Variants in NXN observed in about 807,000 individuals in gnomAD.
NXN encodes nucleoredoxin, also known as nucleoredoxin 1.
Under a neutral mutation model 48.6 loss-of-function variants are expected in NXN, and 16 were observed. That is an observed-to-expected ratio of 0.33 (90% CI 0.22 to 0.50). The LOEUF (loss-of-function observed/expected upper bound fraction) is 0.50. Ranked by LOEUF, NXN falls within the 20% of genes least tolerant of loss-of-function variation. NXN has a pLI of 0.98. For missense variants in NXN, 492 were observed against 605.5 expected (o/e 0.81, Z 1.97); for synonymous variants, 281 against 269.6 (o/e 1.04, Z -0.41).
chr17:822,465 A>G lies in NXN; in HGVS notation c.613-8T>C, dbSNP rs1462676085. 6.2e-7 allele frequency: 1 copy of G among 1,609,166 alleles called. No homozygotes were observed. Among genetic ancestry groups the G allele is most frequent in the South Asian group, 1.1e-5 (1 of 90,974 alleles). On this transcript the variant is annotated splice_region_variant and splice_polypyrimidine_tract_variant and intron_variant, in intron 3 of 7. Coordinates refer to ENST00000336868, the MANE Select transcript of NXN (RefSeq NM_022463.5). The stretch of plus-strand genomic sequence containing the variant: ...GCTTCGGCAGGGCGGACACTGAAAG[A>G]CAGGACAGCAAGACCCGCTGCGTCA...
intron 4 of NXN, among the ~76,000 whole-genome samples, chr17:821,407 G>A (rs1344213405): frequency 1.3e-5 from 1 of 78,142 alleles, no homozygotes; most frequent in African/African-American, 7.7e-5. Context: ...TTCCTTATCC[G>A]CGTGTATCCG....
At chr17:913,186 G>A (rs916126269) in intron 1 of NXN, among the ~76,000 whole-genome samples, 1 of 152,106 alleles carries the variant, frequency 6.6e-6, no homozygotes, top group Non-Finnish European at 1.5e-5. Flanking sequence ...CTTATTAGGA[G>A]AAGTAAAATT....
intron 5 of NXN, among the ~76,000 whole-genome samples, chr17:813,967 A>T (rs1040166161): frequency 7.7e-6 from 1 of 129,802 alleles, no homozygotes; most frequent in Non-Finnish European, 1.6e-5. Flanking sequence ...GACTCTGTCT[A>T]AAAAAAAAAA....
chr17:869,826 C>T (rs1211155176), intron 1 of NXN, among the ~76,000 whole-genome samples: 1 of 152,268 alleles, frequency 6.6e-6, no homozygotes, highest in Non-Finnish European at 1.5e-5. Context: ...CTCCAAGCCT[C>T]TCTGGGAACC....
chr17:906,435 T>C (rs193237797), intron 1 of NXN, among the ~76,000 whole-genome samples: 86 of 152,368 alleles, frequency 5.6e-4, no homozygotes, highest in African/African-American at 1.9e-3. Flanking sequence ...GTCAAGTCAC[T>C]TAACCTTCTT....
chr17:817,688 AAG>A (rs1555610071), intron 5 of NXN, among the ~76,000 whole-genome samples: 2 of 151,642 alleles, frequency 1.3e-5, no homozygotes, highest in African/African-American at 4.9e-5. Flanking sequence ...AAAAAAAAAA[AAG>A]AGCCTGATGA....
intron 1 of NXN, among the ~76,000 whole-genome samples, chr17:923,253 C>T (rs774238653): frequency 6.6e-6 from 1 of 152,154 alleles, no homozygotes; most frequent in Non-Finnish European, 1.5e-5. Context: ...GTCTTATTCA[C>T]TCTGTTTACA....
chr17:931,410 A>C lies in NXN; in HGVS notation c.360+47909T>G, dbSNP rs2068851962. 5.3e-5 allele frequency among the ~76,000 whole-genome samples: 8 copies of C among 151,042 alleles called. No individual in the cohort carries two copies. In the South Asian group the frequency reaches 1.7e-3, roughly 32 times the overall value. ...GGAGGTTGTAGTGAGCAGAGATCAC[A>C]CCACTGCACTCCAGCCTGGTGACAG... On this transcript the variant is annotated intron_variant, in intron 1 of 7. Coordinates refer to ENST00000336868, the MANE Select transcript of NXN (RefSeq NM_022463.5).
intron 1 of NXN, among the ~76,000 whole-genome samples, chr17:938,912 T>TGTG (rs1312599603): frequency 6.6e-6 from 1 of 151,170 alleles, no homozygotes; most frequent in Non-Finnish European, 1.5e-5. Flanking sequence ...ATTAGCTGGG[T>TGTG]GTGGTGGCGG....
At chr17:809,598 G>A (rs185237404) in intron 5 of NXN, among the ~76,000 whole-genome samples, 5 of 152,316 alleles carry the variant, frequency 3.3e-5, no homozygotes, top group Non-Finnish European at 7.3e-5. Flanking sequence ...AGGCAGCCAG[G>A]AGGAATTACC....
chr17:979,720 C>T lies in NXN; in HGVS notation c.-42G>A. The T allele has an allele frequency of 2.3e-6, 3 of 1,299,754 alleles. No homozygotes were observed. Among genetic ancestry groups the T allele is most frequent in the Non-Finnish European group, 2.9e-6 (3 of 1,024,066 alleles). The allele number at this position is 1,299,754 out of a possible 1,614,324, so 80.5% of individuals were successfully genotyped here. On this transcript the variant is annotated 5_prime_UTR_variant, in exon 1 of 8. Transcript: ENST00000336868. ...GCGGGCAGGCGGCTGCGACCCCGCT[C>T]CACGGTCCGCGCGGCGGGAGGAGGC...
rs549123426 is a variant in NXN at position 946,811 on chromosome 17, G to A, written c.360+32508C>T. Reference sequence around the variant, plus strand: ...GGAAAATGGGGGTGATCACGCCAACGTCACAGAGTCCTTGGGAGAATGAAA... The same window carrying A: ...GGAAAATGGGGGTGATCACGCCAACATCACAGAGTCCTTGGGAGAATGAAA... On this transcript the variant is annotated intron_variant, in intron 1 of 7. Coordinates refer to ENST00000336868, the MANE Select transcript of NXN (RefSeq NM_022463.5). Among the ~76,000 whole-genome samples the A allele has an allele frequency of 6.6e-5, 10 of 152,326 alleles. No homozygotes were observed. The East Asian group carries it at 1.2e-3, about 18-fold the overall frequency.
rs201931057 is a variant in NXN, at chr17:889,699, A to AAAAG, written c.361-63625_361-63622dup. ...AAGAAAAGAAAAGAAGAAAGAAAGA[A>AAAAG]AAAGAAAGAAAGAAAGAAAGAAAGA... On this transcript the variant is annotated intron_variant, in intron 1 of 7. Transcript: ENST00000336868. Among the ~76,000 whole-genome samples, 320 of 126,658 alleles carry AAAAG rather than the reference A, an allele frequency of 2.5e-3. 8 individuals carry two copies. In the East Asian group the frequency reaches 0.026, roughly 10 times the overall value. The allele number at this position is 126,658 out of a possible 152,430, so 83.1% of individuals were successfully genotyped here. A position where few individuals can be genotyped will look rare whatever the true frequency, so the allele number is the denominator to read the frequency against.
intron 1 of NXN, among the ~76,000 whole-genome samples, chr17:893,379 G>C (rs954476219): frequency 2.6e-5 from 4 of 152,226 alleles, no homozygotes; most frequent in African/African-American, 4.8e-5. Context: ...TCCGGTCCCA[G>C]CTTAAAAGAC....
chr17:835,244 C>G (rs932834315), intron 1 of NXN, among the ~76,000 whole-genome samples: 4 of 149,954 alleles, frequency 2.7e-5, no homozygotes, highest in Non-Finnish European at 5.9e-5. Flanking sequence ...GGAGGCGGAG[C>G]TTGCAGTGAG....
rs1322793838 is a variant in NXN at position 932,325 on chromosome 17, G to C, written c.360+46994C>G. Reference sequence around the variant, plus strand: ...TGGTCCCTGGACGTACGGCTTCCGGGTTGCCTGGGAACTGTTGCTAGAATT... The same window carrying C: ...TGGTCCCTGGACGTACGGCTTCCGGCTTGCCTGGGAACTGTTGCTAGAATT... On this transcript the variant is annotated intron_variant, in intron 1 of 7. Coordinates refer to ENST00000336868, the MANE Select transcript of NXN (RefSeq NM_022463.5). This position sits in a 1 kb window ranked among gnomAD's most constrained non-coding sequence, Gnocchi z 4.1. 1.3e-5 allele frequency among the ~76,000 whole-genome samples: 2 copies of C among 152,146 alleles called. No homozygotes were observed. Among genetic ancestry groups the C allele is most frequent in the African/African-American group, 4.8e-5 (2 of 41,432 alleles).
intron 1 of NXN, among the ~76,000 whole-genome samples, chr17:960,078 C>T (rs1473705246): frequency 2.0e-5 from 3 of 151,824 alleles, no homozygotes; most frequent in Non-Finnish European, 2.9e-5. Flanking sequence ...GGAGACAGAG[C>T]GAGACTCCAT....
intron 1 of NXN, among the ~76,000 whole-genome samples, chr17:931,589 C>A (rs2068853893): frequency 6.6e-6 from 1 of 151,616 alleles, no homozygotes; most frequent in Non-Finnish European, 1.5e-5. Context: ...GTAATCCCAG[C>A]ACTTTGGGAG....
intron 1 of NXN, among the ~76,000 whole-genome samples, chr17:900,913 CTTTT>C (rs11367844): frequency 0.024 from 1,791 of 75,962 alleles, 30 homozygotes; most frequent in African/African-American, 0.09. Flanking sequence ...GATCTGCATT[CTTTT>C]TTTTTTTTTT....
Sources: gnomAD v4.1 joint callset for allele counts (sites outside exome capture counted in the v4.1 genomes callset) on GRCh38, gnomAD v4.1.1 for gene constraint, Gnocchi (gnomAD v3.1) non-coding constraint, MANE v1.5 for transcripts, NCBI Gene and HGNC (gene_info 2026-07-23, HGNC 2026-07-21) for gene names.